The following PLCB4 variants were observed in gnomAD, a reference collection of about 807,000 sequenced individuals.
The protein encoded by PLCB4 is 1-phosphatidylinositol 4,5-bisphosphate phosphodiesterase beta-4.
Under a neutral mutation model 178.8 loss-of-function variants are expected in PLCB4, and 77 were observed. The ratio of observed to expected loss-of-function variants is 0.43; its 90% CI spans 0.36 to 0.52. The LOEUF is 0.52. Among genes scored for constraint, PLCB4 ranks in the 20% least tolerant of loss-of-function variants. The pLI, the probability that PLCB4 is intolerant of heterozygous loss-of-function variation, is 0.00. For missense variants in PLCB4, 1,024 were observed against 1,453.4 expected, an observed-to-expected ratio of 0.70 and a Z score of 4.80; for synonymous variants, 496 against 490.8, an observed-to-expected ratio of 1.01 and a Z score of -0.14.
chr20:9,383,024 A>G (rs2037278435), intron 13 of PLCB4, among the ~76,000 whole-genome samples: 1 of 152,246 alleles, frequency 6.6e-6, no homozygotes, highest in African/African-American at 2.4e-5. Flanking sequence ...CTGTACCTTC[A>G]GTGAAAAATA....
intron 31 of PLCB4, 51 bp from the exon 32 acceptor site, chr20:9,444,127 A>G (rs1238170707): frequency 1.3e-6 from 2 of 1,482,276 alleles, no homozygotes; most frequent in Non-Finnish European, 1.9e-6. Flanking sequence ...CATTGTGATT[A>G]CAAAAAGAAA....
At chr20:9,408,136 G>T (rs2039580851) in intron 22 of PLCB4, 78 bp downstream of exon 22, 4 of 1,282,808 alleles carry the variant, frequency 3.1e-6, no homozygotes, top group Non-Finnish European at 4.3e-6. Context: ...TATCTAATTT[G>T]TTGCCATTTT....
At chr20:9,433,705 A>G (rs1365542414) in intron 28 of PLCB4, among the ~76,000 whole-genome samples, 1 of 152,128 alleles carries the variant, frequency 6.6e-6, no homozygotes, top group Non-Finnish European at 1.5e-5. Flanking sequence ...GTTTTGTAAC[A>G]AAGAGTTTAA....
At chr20:9,260,750 G>A (rs1467651034) in intron 3 of PLCB4, among the ~76,000 whole-genome samples, 1 of 152,084 alleles carries the variant, frequency 6.6e-6, no homozygotes, top group Non-Finnish European at 1.5e-5. Flanking sequence ...TTTTCAGAGA[G>A]AGAGATGATC....
chr20:9,256,513 G>A (rs2094237859), intron 3 of PLCB4, among the ~76,000 whole-genome samples: 1 of 152,196 alleles, frequency 6.6e-6, no homozygotes, highest in Non-Finnish European at 1.5e-5. Context: ...TTGTAAGGAA[G>A]ACTCAGGAAG....
chr20:9,149,551 C>T (rs1378124456), intron 2 of PLCB4, among the ~76,000 whole-genome samples: 1 of 152,126 alleles, frequency 6.6e-6, no homozygotes, highest in Non-Finnish European at 1.5e-5. Context: ...CAGGTGACAT[C>T]CACGTTATGC....
At chr20:9,434,664 C>T (rs1372465810) in intron 28 of PLCB4, among the ~76,000 whole-genome samples, 1 of 152,094 alleles carries the variant, frequency 6.6e-6, no homozygotes, top group Admixed American at 6.6e-5. Flanking sequence ...GCGTGAGCTA[C>T]TGCGTCCGGC....
chr20:9,268,369 C>G (rs2094369625), intron 3 of PLCB4, among the ~76,000 whole-genome samples: 1 of 152,116 alleles, frequency 6.6e-6, no homozygotes, highest in South Asian at 2.1e-4. Context: ...ATTGACAGCT[C>G]CAGGCTGATA....
Position 9,465,329 on chromosome 20 carries a change from A to C in PLCB4, c.3249-3242A>C, listed in dbSNP as rs147102589. Among the ~76,000 whole-genome samples the C allele has an allele frequency of 0.013, 2,052 of 152,334 alleles. 139 individuals carry two copies. In the East Asian group the frequency reaches 0.2, roughly 15 times the overall value. Reference sequence around the variant, plus strand: ...ATGACAAACCCACAGCCAATGTCATACTGAATGGGCAAAAACTGGAAGCAT... The same window carrying C: ...ATGACAAACCCACAGCCAATGTCATCCTGAATGGGCAAAAACTGGAAGCAT... On this transcript the variant is annotated intron_variant, in intron 35 of 39. Transcript: ENST00000378473.
intron 3 of PLCB4, among the ~76,000 whole-genome samples, chr20:9,234,568 A>C (rs1158018351): frequency 1.1e-4 from 17 of 152,158 alleles, no homozygotes; most frequent in Non-Finnish European, 2.9e-5. Context: ...AGAGTAGTTC[A>C]TTGGGTCAAA....
chr20:9,425,365 T>G (rs572423039), intron 28 of PLCB4, among the ~76,000 whole-genome samples: 1 of 152,342 alleles, frequency 6.6e-6, no homozygotes, highest in African/African-American at 2.4e-5. Context: ...GATGGAAGAT[T>G]TAGAAGTTTT....
chr20:9,140,870 C>G (rs768147464), intron 2 of PLCB4, among the ~76,000 whole-genome samples: 22 of 152,014 alleles, frequency 1.4e-4, no homozygotes, highest in Non-Finnish European at 3.1e-4. Context: ...GCAAAATGGA[C>G]TAACACAGAG....
chr20:9,208,032 C>T (rs1220053497), intron 2 of PLCB4, among the ~76,000 whole-genome samples: 1 of 152,184 alleles, frequency 6.6e-6, no homozygotes, highest in Non-Finnish European at 1.5e-5. Context: ...ACCTCTTGGT[C>T]ATGGACATGA....
At chr20:9,455,494 C>T (rs1297314569) in intron 33 of PLCB4, among the ~76,000 whole-genome samples, 1 of 152,018 alleles carries the variant, frequency 6.6e-6, no homozygotes, top group Non-Finnish European at 1.5e-5. Flanking sequence ...AATGTGGGAT[C>T]AAAATGTAAT....
At chr20:9,133,771 G>A (rs1176856074) in intron 2 of PLCB4, among the ~76,000 whole-genome samples, 2 of 152,164 alleles carry the variant, frequency 1.3e-5, no homozygotes, top group African/African-American at 4.8e-5. Flanking sequence ...CATTCCCATG[G>A]AGGCACTGTG....
chr20:9,203,472 A>G (rs1601118207), intron 2 of PLCB4, among the ~76,000 whole-genome samples: 2 of 152,198 alleles, frequency 1.3e-5, no homozygotes, highest in African/African-American at 4.8e-5. Flanking sequence ...TGAGTTTCCT[A>G]TGCTACTATT....
At position 9,389,859 on chromosome 20, in the gene PLCB4, G is replaced by GTT. The variant is rs139716774; in HGVS notation, c.1159-12_1159-11dup. The GTT allele has an allele frequency of 1.7e-4, 227 of 1,368,462 alleles. No homozygotes were observed. The highest frequency in any genetic ancestry group is 1.9e-4 in the Non-Finnish European group (184 of 977,298). 84.8% of individuals were successfully genotyped at this position (1,368,462 alleles called of 1,614,324 possible). A position where few individuals can be genotyped will look rare whatever the true frequency, so the allele number is the denominator to read the frequency against. ...TTTTTTGCTCTTTTCTCTCATTAACGTTTTTTTTTGTTTTTAAAGGATGTA... is the reference window on the plus strand; with the variant it reads ...TTTTTTGCTCTTTTCTCTCATTAACGTTTTTTTTTTTGTTTTTAAAGGATGTA... On this transcript the variant is annotated intron_variant, in intron 15 of 39. Coordinates refer to ENST00000378473, the MANE Select transcript of PLCB4 (RefSeq NM_001377142.1).
intron 4 of PLCB4, among the ~76,000 whole-genome samples, chr20:9,314,607 A>T (rs544260907): frequency 4.7e-4 from 72 of 152,302 alleles, no homozygotes; most frequent in Admixed American, 4.6e-3. Flanking sequence ...AGCAAAAGTG[A>T]TATCTTCTGT....
chr20:9,476,720 T>C lies in PLCB4; in HGVS notation c.3499T>C (p.Leu1167=). Reference sequence around the variant, plus strand: ...ATTACTATTTTTGTACAAACAGCTTTTGAAATCCTGTCATGCAGTGTCCCA... The same window carrying C: ...ATTACTATTTTTGTACAAACAGCTTCTGAAATCCTGTCATGCAGTGTCCCA... ...EFLEKQNEQL[L]KSCHAVSQTQ... is the part of the protein sequence containing the mutation. The change falls in exon 39 of 40, where the codon TTG becomes CTG. Residue 1167 remains leucine (L), a synonymous_variant. Coordinates refer to ENST00000378473, the MANE Select transcript of PLCB4 (RefSeq NM_001377142.1). 6.2e-7 allele frequency: 1 copy of C among 1,607,588 alleles called. No homozygotes were observed.
Sources: allele counts gnomAD v4.1 joint callset (sites outside exome capture counted in the v4.1 genomes callset), GRCh38; gene constraint gnomAD v4.1.1; transcripts MANE v1.5; gene names NCBI Gene and HGNC (gene_info 2026-07-23, HGNC 2026-07-21).